The following CNBD1 variants were observed in gnomAD, a reference collection of about 807,000 sequenced individuals.
CNBD1 encodes the protein cyclic nucleotide binding domain containing 1.
CNBD1 carries 71 observed loss-of-function variants against 54.4 expected under a neutral mutation model. The observed-to-expected ratio is 1.30, with a 90% CI of 1.08 to 1.59. CNBD1 has a LOEUF of 1.59. CNBD1 is among the 40% of genes most tolerant of loss of function. The pLI is 0.00. For missense variants in CNBD1, 659 were observed against 518.0 expected (o/e 1.27, Z -2.64); for synonymous variants, 182 against 170.7 (o/e 1.07, Z -0.51).
intron 4 of CNBD1, among the ~76,000 whole-genome samples, chr8:87,061,685 A>G (rs55729515): frequency 0.037 from 5,634 of 152,294 alleles, 150 homozygotes; most frequent in African/African-American, 0.072. Context: ...TTGTCTTTGT[A>G]TACTGTATGT....
chr8:86,963,444 G>T (rs543199300), intron 4 of CNBD1, among the ~76,000 whole-genome samples: 68 of 152,256 alleles, frequency 4.5e-4, no homozygotes, highest in African/African-American at 1.6e-3. Flanking sequence ...AAGCTTCGGA[G>T]AAAAAGGTGC....
At chr8:87,377,145 TGA>T in intron 10 of CNBD1, among the ~76,000 whole-genome samples, 1 of 149,730 alleles carries the variant, frequency 6.7e-6, no homozygotes, top group Non-Finnish European at 1.5e-5. Flanking sequence ...TATTTTTTTA[TGA>T]TTATTATTTA....
intron 4 of CNBD1, among the ~76,000 whole-genome samples, chr8:87,069,694 G>C (rs1202113553): frequency 1.3e-5 from 2 of 152,068 alleles, no homozygotes; most frequent in African/African-American, 2.4e-5. Flanking sequence ...AAAATGTTAG[G>C]AATCTACTGG....
At chr8:87,367,068 C>G (rs59118438) in intron 10 of CNBD1, among the ~76,000 whole-genome samples, 1 of 152,022 alleles carries the variant, frequency 6.6e-6, no homozygotes, top group Non-Finnish European at 1.5e-5. Context: ...CCAGCCTCCT[C>G]TCTCACTAAT....
At chr8:87,327,556 G>T (rs1397587478) in intron 8 of CNBD1, among the ~76,000 whole-genome samples, 1 of 152,148 alleles carries the variant, frequency 6.6e-6, no homozygotes, top group Non-Finnish European at 1.5e-5. Context: ...GGGTGGGAGT[G>T]ACCCGATTTT....
chr8:87,302,062 A>T (rs1471749216), intron 8 of CNBD1, among the ~76,000 whole-genome samples: 1 of 152,210 alleles, frequency 6.6e-6, no homozygotes, highest in African/African-American at 2.4e-5. Flanking sequence ...CAGAGGTACA[A>T]GGAGGAGCTG....
In CNBD1 at chr8:86,989,650, C is replaced by T. The variant is rs535416730; in HGVS notation, c.431+49896C>T. ...TATTTTAGTAGAGATGGGGTTTCAC[C>T]ATGTTGCCCAGGCTGGTCTCTAACT... On this transcript the variant is annotated intron_variant, in intron 4 of 10. Coordinates refer to ENST00000518476, the MANE Select transcript of CNBD1 (RefSeq NM_173538.3). 5.3e-5 allele frequency among the ~76,000 whole-genome samples: 8 copies of T among 152,064 alleles called. No homozygotes were observed. In the South Asian group the frequency reaches 1.7e-3, roughly 32 times the overall value.
intron 4 of CNBD1, among the ~76,000 whole-genome samples, chr8:86,960,379 C>T (rs1281075003): frequency 6.6e-6 from 1 of 152,200 alleles, no homozygotes; most frequent in African/African-American, 2.4e-5. Flanking sequence ...CAGAGCCTCA[C>T]TCACTGCTAG....
intron 4 of CNBD1, among the ~76,000 whole-genome samples, chr8:87,130,567 A>G (rs1036334286): frequency 2.0e-5 from 3 of 152,108 alleles, no homozygotes; most frequent in Non-Finnish European, 2.9e-5. Flanking sequence ...AATTGAGCCC[A>G]GGAGGTCAAG....
chr8:87,069,124 C>A (rs1326564161), intron 4 of CNBD1, among the ~76,000 whole-genome samples: 2 of 152,046 alleles, frequency 1.3e-5, no homozygotes, highest in African/African-American at 4.8e-5. Flanking sequence ...AAACACATCT[C>A]TGCTTTGTAA....
intron 5 of CNBD1, among the ~76,000 whole-genome samples, chr8:87,232,896 G>A (rs1807473324): frequency 6.6e-6 from 1 of 152,062 alleles, no homozygotes; most frequent in South Asian, 2.1e-4. Context: ...TTTTTCCGAA[G>A]TAATAGTATG....
At chr8:86,992,058 G>T in intron 4 of CNBD1, among the ~76,000 whole-genome samples, 1 of 152,028 alleles carries the variant, frequency 6.6e-6, no homozygotes, top group African/African-American at 2.4e-5. Flanking sequence ...GAGTCTAGAT[G>T]TTCTTTCTTA....
At chr8:87,428,522 G>A (rs1443311645) in intron 2 of CNBD1, 1 of 428,654 alleles carries the variant, frequency 2.3e-6, no homozygotes, top group Admixed American at 2.7e-5. Context: ...GATATTCTAA[G>A]TGTTTTCTTC....
intron 4 of CNBD1, among the ~76,000 whole-genome samples, chr8:86,980,014 ACTTTT>A (rs1419776117): frequency 4.6e-5 from 7 of 152,194 alleles, no homozygotes. Context: ...TGATTTTGTT[ACTTTT>A]AAGTTTTAAA....
chr8:87,366,138 T>A (rs1289463415), intron 10 of CNBD1, among the ~76,000 whole-genome samples: 1 of 152,082 alleles, frequency 6.6e-6, no homozygotes, highest in Non-Finnish European at 1.5e-5. Context: ...ATTTAGCAGC[T>A]TTAAACAATA....
rs188115460 is a variant in CNBD1 at position 87,375,910 on chromosome 8, G to C, written c.1304-6710G>C. ...TTTTTTCAGGCCTTGGATCTACTCA[G>C]ACTATGTTGATAAAAGATAAATAGA... On this transcript the variant is annotated intron_variant, in intron 10 of 10. Transcript: ENST00000518476. 3.9e-3 allele frequency among the ~76,000 whole-genome samples: 587 copies of C among 151,968 alleles called. 8 individuals carry two copies. The highest frequency in any genetic ancestry group is 0.013 in the African/African-American group (554 of 41,508).
intron 4 of CNBD1, among the ~76,000 whole-genome samples, chr8:87,191,888 C>A (rs1245441424): frequency 1.3e-5 from 2 of 152,070 alleles, no homozygotes; most frequent in East Asian, 1.9e-4. Context: ...CTGTGGAAAA[C>A]CTTTCTAAAT....
chr8:87,299,781 G>A (rs1199688618), intron 8 of CNBD1, among the ~76,000 whole-genome samples: 1 of 152,124 alleles, frequency 6.6e-6, no homozygotes, highest in African/African-American at 2.4e-5. Context: ...CCCTATGCTA[G>A]GGAACACATA....
intron 4 of CNBD1, among the ~76,000 whole-genome samples, chr8:87,146,740 T>G (rs1026542371): frequency 3.3e-5 from 5 of 152,160 alleles, no homozygotes; most frequent in African/African-American, 1.2e-4. Flanking sequence ...TCTTGAATCT[T>G]TTAATTTTTC....
Sources: gnomAD v4.1 joint callset for allele counts (sites outside exome capture counted in the v4.1 genomes callset) on GRCh38, gnomAD v4.1.1 for gene constraint, MANE v1.5 for transcripts, NCBI Gene and HGNC (gene_info 2026-07-23, HGNC 2026-07-21) for gene names.